Variants in NAMPT observed in about 807,000 individuals in gnomAD.
NAMPT encodes the protein NAmPRTase.
A neutral mutation model predicts 58.7 loss-of-function variants in NAMPT; 7 were observed. The ratio of observed to expected loss-of-function variants is 0.12; its 90% CI spans 0.07 to 0.22. NAMPT has a LOEUF of 0.22. Among genes scored for constraint, NAMPT ranks in the 10% least tolerant of loss-of-function variants. The pLI, the probability that NAMPT is intolerant of heterozygous loss-of-function variation, is 1.00. For synonymous variants in NAMPT, 145 were observed against 198.1 expected (o/e 0.73, Z 2.25); for missense variants, 271 against 567.9 (o/e 0.48, Z 5.31).
intron 2 of NAMPT, 98 bp from the exon 3 acceptor site, chr7:106,275,147 C>T (rs1792607897): frequency 1.5e-6 from 1 of 679,442 alleles, no homozygotes; most frequent in African/African-American, 1.8e-5. Context: ...TTCACCCATT[C>T]TATGGATTAA....
intron 4 of NAMPT, among the ~76,000 whole-genome samples, chr7:106,269,835 C>T (rs1052896540): frequency 6.6e-6 from 1 of 152,192 alleles, no homozygotes; most frequent in Non-Finnish European, 1.5e-5. Flanking sequence ...TGTTCGTTTA[C>T]TCCTCGAGGT....
At chr7:106,274,453 G>T (rs1792595205) in intron 3 of NAMPT, among the ~76,000 whole-genome samples, 1 of 151,888 alleles carries the variant, frequency 6.6e-6, no homozygotes, top group Non-Finnish European at 1.5e-5. Flanking sequence ...TTTTCAAAAG[G>T]ATATATTGGC....
upstream of NAMPT, chr7:106,285,416 C>T (rs1284504321): frequency 3.6e-6 from 2 of 562,664 alleles, no homozygotes; most frequent in East Asian, 1.4e-4. Flanking sequence ...CCCGCCCCGC[C>T]TGGGACCTTC....
chr7:106,258,627 C>T (rs13237989), intron 8 of NAMPT, among the ~76,000 whole-genome samples: 40,647 of 152,112 alleles, frequency 0.27, 6,388 homozygotes, highest in South Asian at 0.43. Flanking sequence ...AAGCAAGTCA[C>T]GGGAATTTTT....
intron 9 of NAMPT, 39 bp downstream of exon 9, chr7:106,254,325 G>T: frequency 6.2e-7 from 1 of 1,605,746 alleles, no homozygotes; most frequent in Non-Finnish European, 8.5e-7. Flanking sequence ...AGATACATAA[G>T]GAAGGTAGTA....
intron 7 of NAMPT, among the ~76,000 whole-genome samples, chr7:106,262,668 C>A (rs1480128864): frequency 6.6e-6 from 1 of 152,116 alleles, no homozygotes; most frequent in Non-Finnish European, 1.5e-5. Flanking sequence ...AAAAGACCTA[C>A]ACTGGATATC....
intron 10 of NAMPT, 89 bp downstream of exon 10, chr7:106,252,927 CA>C (rs1298657626): frequency 6.8e-7 from 1 of 1,464,198 alleles, no homozygotes; most frequent in African/African-American, 1.4e-5. Context: ...TTGTCTTCCA[CA>C]AAAACAATAA....
In NAMPT at chr7:106,268,450, A is replaced by G. The variant is rs772942513; in HGVS notation, c.743+14T>C. The G allele has an allele frequency of 4.4e-6, 7 of 1,590,756 alleles. No individual in the cohort carries two copies. Among genetic ancestry groups the G allele is most frequent in the Non-Finnish European group, 6.0e-6 (7 of 1,172,112 alleles). On this transcript the variant is annotated intron_variant, in intron 6 of 10. Coordinates refer to ENST00000222553, the MANE Select transcript of NAMPT (RefSeq NM_005746.3). ...AAAAATTAGTAGTTTTAAAAAATGA[A>G]CAGAATTTTTTACCTGTGTTCTGCT...
intron 7 of NAMPT, 175 bp downstream of exon 7, chr7:106,263,217 T>G: frequency 1.7e-6 from 1 of 585,558 alleles, no homozygotes; most frequent in South Asian, 2.3e-5. Context: ...GGTATCCTTC[T>G]GTGCTATTAC....
rs553070706 is a variant in NAMPT, at chr7:106,252,469, C to CT, written c.1365+547dup. 7.5e-3 allele frequency among the ~76,000 whole-genome samples: 1,135 copies of CT among 152,044 alleles called. 5 individuals are homozygous for CT. The highest frequency in any genetic ancestry group is 0.011 in the Non-Finnish European group (743 of 67,916). ...TAATAGTGCACTCATGTTTAGTGTA[C>CT]TTTTTTCTAATAATATGAATATTCA... is the stretch of plus-strand genomic sequence containing the variant. On this transcript the variant is annotated intron_variant, in intron 10 of 10. Transcript: ENST00000222553.
chr7:106,272,175 C>A, intron 4 of NAMPT: 1 of 319,768 alleles, frequency 3.1e-6, no homozygotes, highest in Non-Finnish European at 6.3e-6. Context: ...CTAACTTGAA[C>A]ATTTATCATT....
intron 6 of NAMPT, among the ~76,000 whole-genome samples, chr7:106,265,966 TATTTAG>T (rs1354650107): frequency 6.6e-6 from 1 of 152,232 alleles, no homozygotes; most frequent in Non-Finnish European, 1.5e-5. Context: ...ATTTTAAAGT[TATTTAG>T]ATAGTAGCTC....
intron 1 of NAMPT, among the ~76,000 whole-genome samples, chr7:106,283,664 T>G (rs1253057143): frequency 6.6e-6 from 1 of 152,210 alleles, no homozygotes; most frequent in African/African-American, 2.4e-5. Flanking sequence ...GTTCGGATTT[T>G]GCAATACTTT....
chr7:106,262,730 T>C (rs1381908542), intron 7 of NAMPT, among the ~76,000 whole-genome samples: 2 of 152,280 alleles, frequency 1.3e-5, no homozygotes, highest in East Asian at 1.9e-4. Flanking sequence ...CTTTAACCTT[T>C]TTAAGCCTCT....
intron 3 of NAMPT, among the ~76,000 whole-genome samples, chr7:106,274,712 A>C (rs1406853972): frequency 6.6e-6 from 1 of 152,032 alleles, no homozygotes; most frequent in African/African-American, 2.4e-5. Context: ...AAAATTAGCC[A>C]GGTGTGGTGG....
chr7:106,257,755 G>A (rs1211192381), intron 8 of NAMPT, among the ~76,000 whole-genome samples: 1 of 152,240 alleles, frequency 6.6e-6, no homozygotes, highest in Non-Finnish European at 1.5e-5. Context: ...CACCCAACTT[G>A]AACTCCGTTC....
At chr7:106,251,424 C>T (rs1166481759) in intron 10 of NAMPT, among the ~76,000 whole-genome samples, 21 of 152,022 alleles carry the variant, frequency 1.4e-4, no homozygotes, top group Admixed American at 1.3e-3. Flanking sequence ...AAAGGAATGA[C>T]CTTAATACTA....
intron 2 of NAMPT, 72 bp from the exon 3 acceptor site, chr7:106,275,121 T>A (rs1319477681): frequency 7.5e-6 from 7 of 929,366 alleles, no homozygotes; most frequent in Non-Finnish European, 1.2e-5. Context: ...GTCACAGACT[T>A]AATATCTTTG....
chr7:106,259,645 G>A (rs1792268724), intron 8 of NAMPT, among the ~76,000 whole-genome samples: 1 of 152,038 alleles, frequency 6.6e-6, no homozygotes, highest in African/African-American at 2.4e-5. Context: ...GGATGATCTT[G>A]ATCTCCTGAT....
Sources: gnomAD v4.1 joint callset for allele counts (sites outside exome capture counted in the v4.1 genomes callset) on GRCh38, gnomAD v4.1.1 for gene constraint, MANE v1.5 for transcripts, NCBI Gene and HGNC (gene_info 2026-07-23, HGNC 2026-07-21) for gene names.